The following PSD3 variants were observed in gnomAD, a reference collection of about 807,000 sequenced individuals.
PSD3 encodes pleckstrin and Sec7 domain containing 3.
PSD3 carries 49 observed loss-of-function variants against 105.5 expected under a neutral mutation model. That is an observed-to-expected ratio of 0.46 (90% CI 0.37 to 0.59). PSD3 has a LOEUF of 0.59. Ranked by LOEUF, PSD3 falls within the 20% of genes least tolerant of loss-of-function variation. PSD3 has a pLI of 0.00. For missense variants in PSD3, 1,561 were observed against 1,263.8 expected, an observed-to-expected ratio of 1.24 and a Z score of -3.57; for synonymous variants, 557 against 457.8, an observed-to-expected ratio of 1.22 and a Z score of -2.77.
chr8:18,949,244 AATATATATATATATATATAT>A (rs1215845074), intron 1 of PSD3, among the ~76,000 whole-genome samples: 1 of 14,408 alleles, frequency 6.9e-5, no homozygotes, highest in Non-Finnish European at 1.8e-4. Context: ...AAAAAAAAAA[AATATATATATATATATATAT>A]ATATATATAT....
At chr8:18,624,975 A>G (rs1228796897) in intron 11 of PSD3, among the ~76,000 whole-genome samples, 2 of 151,978 alleles carry the variant, frequency 1.3e-5, no homozygotes, top group South Asian at 2.1e-4. Flanking sequence ...GGCTCAAGTG[A>G]TCCTCCTGTC....
intron 9 of PSD3, among the ~76,000 whole-genome samples, chr8:18,747,719 C>A (rs901692197): frequency 2.6e-5 from 4 of 151,866 alleles, no homozygotes; most frequent in Non-Finnish European, 5.9e-5. Flanking sequence ...CTAAATAGTG[C>A]CAATTAACTA....
chr8:18,635,889 G>A (rs1403361063), intron 10 of PSD3, among the ~76,000 whole-genome samples: 1 of 151,590 alleles, frequency 6.6e-6, no homozygotes, highest in East Asian at 1.9e-4. Flanking sequence ...TGTTGGGGGT[G>A]GGGTGGAGGG....
intron 2 of PSD3, among the ~76,000 whole-genome samples, chr8:18,923,074 G>A (rs1821138789): frequency 6.6e-6 from 1 of 152,182 alleles, no homozygotes; most frequent in African/African-American, 2.4e-5. Flanking sequence ...GGATGGGACT[G>A]AAAGTCTCAA....
chr8:18,642,081 G>T (rs547788971), intron 10 of PSD3, among the ~76,000 whole-genome samples: 1 of 152,226 alleles, frequency 6.6e-6, no homozygotes, highest in South Asian at 2.1e-4. Context: ...GAAAAATGCT[G>T]CCAGATATGA....
intron 1 of PSD3, among the ~76,000 whole-genome samples, chr8:19,064,867 T>C (rs2410599): frequency 0.37 from 55,713 of 151,976 alleles, 10,786 homozygotes; most frequent in African/African-American, 0.48. Flanking sequence ...AGTAAAGCAG[T>C]GAACATTTAC....
At chr8:18,643,249 T>C (rs1017044413) in intron 10 of PSD3, among the ~76,000 whole-genome samples, 10 of 152,166 alleles carry the variant, frequency 6.6e-5, no homozygotes, top group African/African-American at 2.2e-4. Flanking sequence ...AGAAACCCAC[T>C]CCTGCAGTAA....
Position 18,872,207 on chromosome 8 carries a change from C to T in PSD3, c.657G>A (p.Ala219=), listed in dbSNP as rs369479169. ...CTGCCTGAGTGTCTCCAGTTAACAG[C>T]GCGGTGAGATCTTTCTGGATGCTCA... The part of the protein sequence containing the change: ...FYLSIQKDLT[A]LLTGDTQAEI... Residue 219 remains alanine, a synonymous_variant, in exon 3 of 16, where the codon GCG becomes GCA. Transcript: ENST00000327040. 1.2e-5 allele frequency: 19 copies of T among 1,614,042 alleles called. No homozygotes were observed. Among genetic ancestry groups the T allele is most frequent in the South Asian group, 2.2e-5 (2 of 91,088 alleles).
intron 2 of PSD3, among the ~76,000 whole-genome samples, chr8:18,904,329 T>G (rs922100540): frequency 1.3e-5 from 2 of 152,200 alleles, no homozygotes; most frequent in African/African-American, 4.8e-5. Flanking sequence ...CCACTGCCAG[T>G]GTGCACTCTG....
chr8:19,065,456 G>A (rs747623264), intron 1 of PSD3, among the ~76,000 whole-genome samples: 7 of 152,114 alleles, frequency 4.6e-5, no homozygotes, highest in East Asian at 1.9e-4. Context: ...CCTGACCCTC[G>A]TCACAAGACA....
chr8:18,831,385 AC>A, intron 4 of PSD3, among the ~76,000 whole-genome samples: 1 of 152,332 alleles, frequency 6.6e-6, no homozygotes, highest in Non-Finnish European at 1.5e-5. Context: ...CAGTTTGATC[AC>A]CGTATTTTTA....
intron 1 of PSD3, chr8:19,000,674 T>C (rs934158449): frequency 6.6e-6 from 1 of 151,876 alleles, no homozygotes; most frequent in African/African-American, 2.4e-5. Flanking sequence ...GAAAATTCCC[T>C]GTCTCCAAAA....
At chr8:18,809,842 TC>T (rs201595030) in intron 4 of PSD3, among the ~76,000 whole-genome samples, 2,437 of 151,594 alleles carry the variant, frequency 0.016, 36 homozygotes, top group South Asian at 0.035. Flanking sequence ...TTCTCTAACG[TC>T]CTCTAAATAC....
intron 10 of PSD3, among the ~76,000 whole-genome samples, chr8:18,655,285 C>T (rs112344008): frequency 0.031 from 4,552 of 147,682 alleles, 65 homozygotes; most frequent in East Asian, 0.06. Flanking sequence ...GCCGAGATTG[C>T]GCCACTGCAC....
intron 10 of PSD3, among the ~76,000 whole-genome samples, chr8:18,647,868 G>A (rs1040556344): frequency 1.3e-5 from 2 of 152,102 alleles, no homozygotes; most frequent in African/African-American, 4.8e-5. Context: ...AAGGTGTGGG[G>A]CACCTGCCCC....
chr8:18,846,624 C>CA (rs372178272), intron 4 of PSD3, among the ~76,000 whole-genome samples: 185 of 152,218 alleles, frequency 1.2e-3, no homozygotes, highest in African/African-American at 4.4e-3. Context: ...CCAAAAGTAA[C>CA]AATCAACTTT....
chr8:18,670,551 C>A (rs1799728705), intron 9 of PSD3, among the ~76,000 whole-genome samples: 1 of 152,096 alleles, frequency 6.6e-6, no homozygotes, highest in Non-Finnish European at 1.5e-5. Flanking sequence ...ACGGATCAGG[C>A]TGTTTTTCTA....
At chr8:18,968,879 CAAAAA>C (rs10597134) in intron 1 of PSD3, among the ~76,000 whole-genome samples, 2 of 71,720 alleles carry the variant, frequency 2.8e-5, no homozygotes, top group Non-Finnish European at 5.0e-5. Flanking sequence ...AAAATGTCTC[CAAAAA>C]AAAAAAAAAA....
chr8:18,603,934 C>T (rs1019113429), intron 11 of PSD3, among the ~76,000 whole-genome samples: 1 of 152,136 alleles, frequency 6.6e-6, no homozygotes, highest in South Asian at 2.1e-4. Flanking sequence ...CCTGCAGACC[C>T]GTGAGCCAAT....
Sources: gnomAD v4.1 joint callset for allele counts (sites outside exome capture counted in the v4.1 genomes callset) on GRCh38, gnomAD v4.1.1 for gene constraint, MANE v1.5 for transcripts, NCBI Gene and HGNC (gene_info 2026-07-23, HGNC 2026-07-21) for gene names.